Variants in XRRA1 observed in about 807,000 individuals in gnomAD.
XRRA1 encodes the protein X-ray radiation resistance-associated protein 1.
Under a neutral mutation model 80.2 loss-of-function variants are expected in XRRA1, and 69 were observed. The ratio of observed to expected loss-of-function variants is 0.86; its 90% CI spans 0.71 to 1.05. The LOEUF (loss-of-function observed/expected upper bound fraction) is 1.05, where lower values mean the gene tolerates loss of function less well. Ranked by LOEUF, XRRA1 falls within the 50% of genes least tolerant of loss-of-function variation. The pLI, the probability that XRRA1 is intolerant of heterozygous loss-of-function variation, is 0.00. For missense variants in XRRA1, 967 were observed against 976.4 expected (o/e 0.99, Z 0.13); for synonymous variants, 348 against 389.9 (o/e 0.89, Z 1.27).
intron 6 of XRRA1, among the ~76,000 whole-genome samples, chr11:74,929,568 T>A (rs1943041488): frequency 6.6e-6 from 1 of 152,212 alleles, no homozygotes; most frequent in Non-Finnish European, 1.5e-5. Context: ...CCCCACATGC[T>A]TCCCTTGCAA....
At chr11:74,891,335 C>G (rs1316301571) in intron 10 of XRRA1, among the ~76,000 whole-genome samples, 1 of 152,114 alleles carries the variant, frequency 6.6e-6, no homozygotes, top group African/African-American at 2.4e-5. Context: ...CAGAAAAGGC[C>G]TTTGACAAAA....
intron 10 of XRRA1, among the ~76,000 whole-genome samples, chr11:74,892,091 C>T (rs1034071450): frequency 4.9e-4 from 74 of 152,062 alleles, no homozygotes; most frequent in African/African-American, 1.7e-3. Context: ...GAGCCCGCAT[C>T]GCCAAGTCAA....
At chr11:74,875,959 C>T (rs2045949923) in intron 10 of XRRA1, among the ~76,000 whole-genome samples, 1 of 152,224 alleles carries the variant, frequency 6.6e-6, no homozygotes, top group African/African-American at 2.4e-5. Context: ...GGCAGATAGA[C>T]TTCACCCACG....
At chr11:74,921,386 CTG>C (rs754744416) in intron 7 of XRRA1, 39 bp from the exon 8 acceptor site, 2 of 1,611,526 alleles carry the variant, frequency 1.2e-6, no homozygotes, top group Admixed American at 1.7e-5. Context: ...GGTAAGCACT[CTG>C]TGTGACAACA....
intron 10 of XRRA1, among the ~76,000 whole-genome samples, chr11:74,871,221 TC>T (rs2044700301): frequency 3.3e-5 from 5 of 152,182 alleles, no homozygotes; most frequent in Non-Finnish European, 1.5e-5. Context: ...CTTCTCTAGA[TC>T]CATGCCTGAG....
At chr11:74,899,337 T>A (rs1200712404) in intron 10 of XRRA1, among the ~76,000 whole-genome samples, 1 of 152,034 alleles carries the variant, frequency 6.6e-6, no homozygotes, top group African/African-American at 2.4e-5. Flanking sequence ...AACCTAATGA[T>A]GCATCTTAAA....
intron 8 of XRRA1, among the ~76,000 whole-genome samples, chr11:74,918,424 T>C (rs1283160375): frequency 1.3e-5 from 2 of 152,118 alleles, no homozygotes; most frequent in African/African-American, 4.8e-5. Context: ...GAGAAAATAA[T>C]ATCATCCAGC....
intron 15 of XRRA1, among the ~76,000 whole-genome samples, chr11:74,845,705 A>G (rs2037923487): frequency 6.6e-6 from 1 of 152,256 alleles, no homozygotes; most frequent in African/African-American, 2.4e-5. Flanking sequence ...ACAGTTAAGT[A>G]CAAAGTGAAG....
intron 10 of XRRA1, chr11:74,863,448 A>G (rs1038790771): frequency 1.2e-5 from 2 of 166,676 alleles, no homozygotes; most frequent in Non-Finnish European, 2.6e-5. Context: ...AGAAAAATGT[A>G]TATAGAAGAC....
At chr11:74,926,510 A>G (rs992602794) in intron 7 of XRRA1, among the ~76,000 whole-genome samples, 25 of 152,218 alleles carry the variant, frequency 1.6e-4, no homozygotes, top group Non-Finnish European at 3.4e-4. Flanking sequence ...AGAAGAGTCT[A>G]TTACTCAGTG....
intron 3 of XRRA1, among the ~76,000 whole-genome samples, chr11:74,939,870 CAA>C (rs1491589037): frequency 1.3e-5 from 2 of 149,746 alleles, no homozygotes; most frequent in African/African-American, 4.9e-5. Context: ...AGAGCGAGAG[CAA>C]GAGAGAGAGA....
chr11:74,947,777 C>T (rs919767886), intron 1 of XRRA1, among the ~76,000 whole-genome samples: 1 of 151,984 alleles, frequency 6.6e-6, no homozygotes, highest in Admixed American at 6.5e-5. Context: ...TAATTATTTT[C>T]TTTTCTTTCT....
At chr11:74,891,892 A>G (rs1156319679) in intron 10 of XRRA1, among the ~76,000 whole-genome samples, 1 of 152,208 alleles carries the variant, frequency 6.6e-6, no homozygotes, top group Admixed American at 6.5e-5. Context: ...CCACTGCTCA[A>G]TGAAATAAAA....
At chr11:74,901,314 T>C (rs2053538540) in intron 10 of XRRA1, among the ~76,000 whole-genome samples, 1 of 152,098 alleles carries the variant, frequency 6.6e-6, no homozygotes, top group Non-Finnish European at 1.5e-5. Context: ...TGGAAAGATA[T>C]CCCATGTTCA....
At chr11:74,901,582 T>TA (rs2053583879) in intron 10 of XRRA1, among the ~76,000 whole-genome samples, 2 of 152,142 alleles carry the variant, frequency 1.3e-5, no homozygotes, top group African/African-American at 4.8e-5. Context: ...GGTACTGGCA[T>TA]AAAAATGGAC....
At chr11:74,882,218 C>CT (rs1391004904) in intron 10 of XRRA1, among the ~76,000 whole-genome samples, 1 of 151,560 alleles carries the variant, frequency 6.6e-6, no homozygotes, top group African/African-American at 2.4e-5. Flanking sequence ...TCTTTTTATT[C>CT]TTTTTTCTCT....
intron 8 of XRRA1, among the ~76,000 whole-genome samples, chr11:74,917,053 G>A (rs1051105575): frequency 3.3e-5 from 5 of 152,218 alleles, no homozygotes; most frequent in Non-Finnish European, 1.5e-5. Flanking sequence ...TTCCCTGGAA[G>A]TCTCTTCAGC....
intron 2 of XRRA1, among the ~76,000 whole-genome samples, chr11:74,943,117 C>T (rs558184306): frequency 1.5e-3 from 224 of 152,334 alleles, no homozygotes; most frequent in Non-Finnish European, 2.4e-3. Context: ...AAGAAATAAC[C>T]TTCCATCCTC....
In XRRA1 at chr11:74,880,602, G is replaced by T. The variant is rs1246721002; in HGVS notation, c.1004-17581C>A. On this transcript the variant is annotated intron_variant, in intron 10 of 18. Coordinates refer to ENST00000684022, the MANE Select transcript of XRRA1 (RefSeq NM_001378157.1). ...CTGCTTTCTCTTGTGGGCATTTAGT[G>T]CTATAAATTTCCCTCTACAAACTGC... Among the ~76,000 whole-genome samples, 3 of 150,928 alleles carry T rather than the reference G, an allele frequency of 2.0e-5. No homozygotes were observed. In the East Asian group the frequency reaches 5.8e-4, roughly 29 times the overall value.
Sources: allele counts gnomAD v4.1 joint callset (sites outside exome capture counted in the v4.1 genomes callset), GRCh38; gene constraint gnomAD v4.1.1; transcripts MANE v1.5; gene names NCBI Gene and HGNC (gene_info 2026-07-23, HGNC 2026-07-21).